Variants in GAD2 observed in about 807,000 individuals in gnomAD.
The protein encoded by GAD2 is 65 kDa glutamic acid decarboxylase.
A neutral mutation model predicts 80.1 loss-of-function variants in GAD2; 22 were observed. That is an observed-to-expected ratio of 0.27 (90% CI 0.20 to 0.39). GAD2 has a LOEUF of 0.39. Ranked by LOEUF, GAD2 falls within the 10% of genes least tolerant of loss-of-function variation. GAD2 has a pLI of 1.00. For missense variants in GAD2, 624 were observed against 738.4 expected, an observed-to-expected ratio of 0.85 and a Z score of 1.80; for synonymous variants, 274 against 256.9, an observed-to-expected ratio of 1.07 and a Z score of -0.64.
intron 6 of GAD2, 34 bp downstream of exon 6, chr10:26,224,685 C>T (rs1275816998): frequency 1.4e-6 from 2 of 1,467,626 alleles, no homozygotes; most frequent in South Asian, 2.3e-5. Context: ...TGTGTTTTTT[C>T]TTCTAATATG....
intron 15 of GAD2, among the ~76,000 whole-genome samples, chr10:26,297,734 G>A (rs762171597): frequency 6.6e-6 from 1 of 152,180 alleles, no homozygotes; most frequent in Non-Finnish European, 1.5e-5. Context: ...ACTGGGAAGA[G>A]ACAGCCTCCA....
intron 8 of GAD2, among the ~76,000 whole-genome samples, chr10:26,264,496 G>C (rs997315890): frequency 6.9e-6 from 1 of 144,116 alleles, no homozygotes; most frequent in African/African-American, 2.5e-5. Flanking sequence ...TTTTTTAGTA[G>C]AGACGGGGTT....
At chr10:26,244,371 C>G (rs545408325) in intron 7 of GAD2, among the ~76,000 whole-genome samples, 1 of 152,234 alleles carries the variant, frequency 6.6e-6, no homozygotes, top group African/African-American at 2.4e-5. Flanking sequence ...TCTAGTAATT[C>G]CACTTCTAAG....
chr10:26,259,837 G>A (rs1844988235), intron 8 of GAD2, among the ~76,000 whole-genome samples: 1 of 151,750 alleles, frequency 6.6e-6, no homozygotes, highest in Non-Finnish European at 1.5e-5. Flanking sequence ...TTATAGTTTT[G>A]GTTCTTACAT....
intron 15 of GAD2, among the ~76,000 whole-genome samples, chr10:26,296,220 A>G (rs573668697): frequency 2.0e-4 from 30 of 152,206 alleles, no homozygotes; most frequent in African/African-American, 7.2e-4. Context: ...TCACCTACCA[A>G]AGGCCCTATC....
intron 15 of GAD2, among the ~76,000 whole-genome samples, 170 bp downstream of exon 15, chr10:26,293,161 A>T (rs1379180130): frequency 6.8e-6 from 1 of 146,594 alleles, no homozygotes; most frequent in East Asian, 2.0e-4. Context: ...ATATATGCAG[A>T]CATTTTTCTT....
intron 4 of GAD2, among the ~76,000 whole-genome samples, chr10:26,222,472 G>C (rs1310659187): frequency 6.6e-6 from 1 of 152,134 alleles, no homozygotes; most frequent in Non-Finnish European, 1.5e-5. Flanking sequence ...TCAGCTGCGA[G>C]CATAATGAAA....
intron 6 of GAD2, among the ~76,000 whole-genome samples, chr10:26,225,009 G>A (rs1844503140): frequency 6.6e-6 from 1 of 152,192 alleles, no homozygotes; most frequent in Admixed American, 6.5e-5. Flanking sequence ...TTAGTGAAAG[G>A]AAATGGGTAG....
Position 26,246,015 on chromosome 10 carries a change from G to C in GAD2, c.920+15G>C. ...TGTGATGAGAGGTGAGCACGCATCG[G>C]CAACTCTTGTTGGTTAGCAATTTGC... On this transcript the variant is annotated intron_variant, in intron 8 of 15. Transcript: ENST00000376261. 1.2e-6 allele frequency: 2 copies of C among 1,610,342 alleles called. No homozygotes were observed. The highest frequency in any genetic ancestry group is 2.2e-5 in the South Asian group (2 of 90,774).
chr10:26,250,991 C>T (rs369632917), intron 8 of GAD2, among the ~76,000 whole-genome samples: 32 of 150,880 alleles, frequency 2.1e-4, no homozygotes, highest in African/African-American at 4.1e-4. Flanking sequence ...GCCATTCTCC[C>T]GCCTCAGCCT....
intron 7 of GAD2, among the ~76,000 whole-genome samples, chr10:26,237,088 C>T (rs558325698): frequency 1.6e-4 from 25 of 152,250 alleles, no homozygotes; most frequent in East Asian, 7.7e-4. Flanking sequence ...GTGCTGCAGG[C>T]GCCAGGCGTT....
intron 7 of GAD2, among the ~76,000 whole-genome samples, chr10:26,230,320 G>A (rs1005935042): frequency 6.6e-6 from 1 of 152,194 alleles, no homozygotes; most frequent in African/African-American, 2.4e-5. Flanking sequence ...TTGATGCTAC[G>A]CCCATGTAAG....
chr10:26,219,773 G>A (rs1199805500), intron 4 of GAD2, among the ~76,000 whole-genome samples: 2 of 152,176 alleles, frequency 1.3e-5, no homozygotes, highest in East Asian at 1.9e-4. Context: ...TGTGTCAAAT[G>A]GCCAACCTTT....
chr10:26,258,297 G>A (rs1251366080), intron 8 of GAD2, among the ~76,000 whole-genome samples: 3 of 152,238 alleles, frequency 2.0e-5, no homozygotes, highest in African/African-American at 7.2e-5. Context: ...TGGCTTGTAA[G>A]TGAAGAGTCA....
At chr10:26,228,067 A>C (rs994170412) in intron 6 of GAD2, among the ~76,000 whole-genome samples, 5 of 152,230 alleles carry the variant, frequency 3.3e-5, no homozygotes, top group Admixed American at 6.5e-5. Flanking sequence ...CTCAGCCACC[A>C]GGAAGGAGAG....
chr10:26,275,628 G>T (rs1272843957), intron 11 of GAD2, among the ~76,000 whole-genome samples: 2 of 152,178 alleles, frequency 1.3e-5, no homozygotes, highest in Admixed American at 1.3e-4. Flanking sequence ...TGACTTATTA[G>T]CAAAAGGCAT....
intron 9 of GAD2, among the ~76,000 whole-genome samples, chr10:26,270,277 G>A (rs528621519): frequency 3.3e-5 from 5 of 152,198 alleles, no homozygotes; most frequent in East Asian, 3.9e-4. Context: ...CAGAGGCCTC[G>A]TTGTGAATAA....
At chr10:26,276,726 C>T (rs1475995081) in intron 11 of GAD2, among the ~76,000 whole-genome samples, 1 of 152,174 alleles carries the variant, frequency 6.6e-6, no homozygotes, top group Non-Finnish European at 1.5e-5. Flanking sequence ...CTCTCCTGCC[C>T]ACAGGCTGCT....
At chr10:26,248,877 G>A (rs1052758437) in intron 8 of GAD2, among the ~76,000 whole-genome samples, 1 of 152,140 alleles carries the variant, frequency 6.6e-6, no homozygotes, top group East Asian at 1.9e-4. Context: ...AAGCTGGATA[G>A]GTCTGGAAAC....
Sources: gnomAD v4.1 joint callset for allele counts (sites outside exome capture counted in the v4.1 genomes callset) on GRCh38, gnomAD v4.1.1 for gene constraint, MANE v1.5 for transcripts, NCBI Gene and HGNC (gene_info 2026-07-23, HGNC 2026-07-21) for gene names.